Variants in NPLOC4 observed in about 807,000 individuals in gnomAD.
The protein encoded by NPLOC4 is NPL4 homolog, ubiquitin recognition factor, also known as nuclear protein localization protein 4 homolog.
In NPLOC4, 18 loss-of-function variants were observed where a neutral mutation model predicts 80.6. The ratio of observed to expected loss-of-function variants is 0.22; its 90% CI spans 0.15 to 0.33. The LOEUF (loss-of-function observed/expected upper bound fraction) is 0.33, where lower values mean the gene tolerates loss of function less well. Among genes scored for constraint, NPLOC4 ranks in the 10% least tolerant of loss-of-function variants. The probability of loss-of-function intolerance (pLI) is 1.00; values close to 1 mark genes in which losing one functional copy is unlikely to be tolerated. For missense variants in NPLOC4, 540 were observed against 786.1 expected (o/e 0.69, Z 3.74); for synonymous variants, 313 against 301.5 (o/e 1.04, Z -0.39).
At chr17:81,592,926 T>C (rs976133855) in intron 11 of NPLOC4, among the ~76,000 whole-genome samples, 1 of 152,176 alleles carries the variant, frequency 6.6e-6, no homozygotes, top group Non-Finnish European at 1.5e-5. Context: ...GAAGTTGCAG[T>C]GAGCCAAGAT....
chr17:81,610,204 T>A lies in NPLOC4; in HGVS notation c.435+6A>T. On this transcript the variant is annotated splice_donor_region_variant and intron_variant, in intron 5 of 16. Transcript: ENST00000331134. ...GGCCCAGAACTTACTCCGCAGAGAC[T>A]CTCACCTCTAGAGGGACGCAGTGCA... The A allele has an allele frequency of 6.4e-7, 1 of 1,570,286 alleles. No individual in the cohort carries two copies.
intron 13 of NPLOC4, among the ~76,000 whole-genome samples, chr17:81,570,002 G>T (rs2034118837): frequency 6.6e-6 from 1 of 152,222 alleles, no homozygotes; most frequent in Admixed American, 6.5e-5. Flanking sequence ...GAACTATTCT[G>T]GTTCCTTTGG....
rs1213243159 is a variant in NPLOC4 at position 81,556,951 on chromosome 17, CCA to C, written c.*2306_*2307del. The stretch of plus-strand genomic sequence containing the variant: ...GGGTCAATGTAATGCAAATCCAAGC[CCA>C]GTGATGCACACCTGTGAGCCGAAAC... On this transcript the variant is annotated 3_prime_UTR_variant, in exon 17 of 17. Coordinates refer to ENST00000331134, the MANE Select transcript of NPLOC4 (RefSeq NM_017921.4). 3 of 152,332 alleles carry C rather than the reference CCA, an allele frequency of 2.0e-5. No individual in the cohort carries two copies. The highest frequency in any genetic ancestry group is 7.2e-5 in the African/African-American group (3 of 41,418). 9.4% of individuals were successfully genotyped at this position (152,332 alleles called of 1,614,324 possible).
chr17:81,574,220 T>C (rs959101783), intron 12 of NPLOC4, among the ~76,000 whole-genome samples: 1 of 152,238 alleles, frequency 6.6e-6, no homozygotes, highest in African/African-American at 2.4e-5. Flanking sequence ...TGCAGAAACA[T>C]TTTTCCAGCA....
chr17:81,585,263 T>C (rs1239035437), intron 12 of NPLOC4, among the ~76,000 whole-genome samples: 1 of 149,122 alleles, frequency 6.7e-6, no homozygotes, highest in African/African-American at 2.5e-5. Flanking sequence ...GTAACATCCA[T>C]GATTCCTGGA....
intron 13 of NPLOC4, 50 bp downstream of exon 13, chr17:81,571,967 A>G: frequency 7.0e-7 from 1 of 1,423,698 alleles, no homozygotes; most frequent in Non-Finnish European, 9.6e-7. Context: ...TCCCACCTAC[A>G]AGGCGCCCAA....
chr17:81,571,007 C>T (rs185495778), intron 13 of NPLOC4, among the ~76,000 whole-genome samples: 48 of 152,228 alleles, frequency 3.2e-4, no homozygotes, highest in African/African-American at 1.1e-3. Context: ...TAAATCATGC[C>T]TGCTCCTCCT....
intron 1 of NPLOC4, among the ~76,000 whole-genome samples, chr17:81,633,108 A>T (rs2035974227): frequency 6.8e-6 from 1 of 146,668 alleles, no homozygotes; most frequent in Non-Finnish European, 1.5e-5. Context: ...AGCCTGGGTG[A>T]CAGAGCAAGA....
intron 11 of NPLOC4, among the ~76,000 whole-genome samples, chr17:81,595,912 G>A (rs1013289677): frequency 6.6e-6 from 1 of 151,424 alleles, no homozygotes; most frequent in South Asian, 2.1e-4. Flanking sequence ...ATTCTGTTAT[G>A]AGTTTTGGGG....
Position 81,567,493 on chromosome 17 carries a change from G to A in NPLOC4, c.1490C>T (p.Ser497Leu), listed in dbSNP as rs1273590910. ...TGAGATGGTATCCAAGAACACAGATGAGGTATTCTGAGACAAATAGGTGGC... is the reference window on the plus strand; with the variant it reads ...TGAGATGGTATCCAAGAACACAGATAAGGTATTCTGAGACAAATAGGTGGC... ...SLATYLSQNT[S>L]SVFLDTISDF... Residue 497 changes from serine (S) to leucine (L), a missense_variant, in exon 15 of 17, where the codon TCA (serine) becomes TTA (leucine). Ser to Leu is a moderately radical substitution (Grantham distance 145). Coordinates refer to ENST00000331134, the MANE Select transcript of NPLOC4 (RefSeq NM_017921.4). This position sits in a 1 kb window ranked among gnomAD's most constrained non-coding sequence, Gnocchi z 4.5. The A allele has an allele frequency of 1.2e-6, 2 of 1,613,372 alleles. No individual in the cohort carries two copies. Among genetic ancestry groups the A allele is most frequent in the Non-Finnish European group, 1.7e-6 (2 of 1,179,546 alleles).
At chr17:81,636,038 T>A (rs1021047835) in intron 1 of NPLOC4, among the ~76,000 whole-genome samples, 4 of 151,748 alleles carry the variant, frequency 2.6e-5, no homozygotes, top group Non-Finnish European at 5.9e-5. Context: ...CATGGAGGGA[T>A]CTCAGCTCAC....
At chr17:81,584,904 C>T (rs1355034037) in intron 12 of NPLOC4, among the ~76,000 whole-genome samples, 4 of 152,236 alleles carry the variant, frequency 2.6e-5, no homozygotes, top group African/African-American at 7.2e-5. Context: ...CGGTGGCTCA[C>T]GCCTATAATC....
intron 2 of NPLOC4, among the ~76,000 whole-genome samples, chr17:81,629,019 C>A (rs905770800): frequency 6.6e-6 from 1 of 151,618 alleles, no homozygotes; most frequent in East Asian, 1.9e-4. Context: ...GCTGGGACTA[C>A]AGGTGCCCGC....
chr17:81,574,033 G>T (rs1370045358), intron 12 of NPLOC4, among the ~76,000 whole-genome samples: 2 of 152,216 alleles, frequency 1.3e-5, no homozygotes, highest in Admixed American at 6.5e-5. Flanking sequence ...GGGTCCTGGG[G>T]CCCCAAAAGA....
chr17:81,619,047 C>G (rs1469769492), intron 3 of NPLOC4, among the ~76,000 whole-genome samples: 1 of 152,030 alleles, frequency 6.6e-6, no homozygotes, highest in Non-Finnish European at 1.5e-5. Context: ...ATCTCAAGTA[C>G]CCAGGGACAC....
intron 12 of NPLOC4, among the ~76,000 whole-genome samples, chr17:81,578,429 C>T (rs1012419131): frequency 2.0e-5 from 3 of 152,228 alleles, no homozygotes; most frequent in Non-Finnish European, 2.9e-5. Flanking sequence ...GGCCTAACAC[C>T]TGACCCACGG....
At chr17:81,559,727 C>CTTTT (rs11335414) in intron 16 of NPLOC4, among the ~76,000 whole-genome samples, 17 of 95,694 alleles carry the variant, frequency 1.8e-4, no homozygotes, top group Admixed American at 2.4e-4. Flanking sequence ...TTGTTTCCAG[C>CTTTT]TTTTTTTTTT....
intron 3 of NPLOC4, among the ~76,000 whole-genome samples, chr17:81,619,376 C>G (rs921812823): frequency 6.7e-6 from 1 of 148,274 alleles, no homozygotes; most frequent in East Asian, 2.0e-4. Flanking sequence ...GACTCCGTCT[C>G]AAAAAACAAA....
At chr17:81,600,992 G>T (rs2035044373) in intron 8 of NPLOC4, among the ~76,000 whole-genome samples, 1 of 152,152 alleles carries the variant, frequency 6.6e-6, no homozygotes, top group African/African-American at 2.4e-5. Flanking sequence ...GAAGGGAAAA[G>T]GTGTTCAAAA....
Sources: allele counts gnomAD v4.1 joint callset (sites outside exome capture counted in the v4.1 genomes callset), GRCh38; gene constraint gnomAD v4.1.1; non-coding constraint Gnocchi (gnomAD v3.1); transcripts MANE v1.5; gene names NCBI Gene and HGNC (gene_info 2026-07-23, HGNC 2026-07-21).